OSBPL1A: variants seen among roughly 807,000 people sequenced by gnomAD.
OSBPL1A encodes the protein oxysterol binding protein like 1A.
In OSBPL1A, 80 loss-of-function variants were observed where a neutral mutation model predicts 137.1. The observed-to-expected ratio is 0.58, with a 90% CI of 0.49 to 0.70. The LOEUF is 0.70. Among genes scored for constraint, OSBPL1A ranks in the 30% least tolerant of loss-of-function variants. The pLI is 0.00. For missense variants in OSBPL1A, 970 were observed against 1,129.4 expected (o/e 0.86, Z 2.02); for synonymous variants, 365 against 389.7 (o/e 0.94, Z 0.75).
intron 15 of OSBPL1A, among the ~76,000 whole-genome samples, chr18:24,262,235 A>G (rs1351619058): frequency 2.6e-5 from 4 of 152,226 alleles, no homozygotes; most frequent in Admixed American, 6.5e-5. Flanking sequence ...ACTGCAGAAC[A>G]TATGACTTTC....
intron 17 of OSBPL1A, among the ~76,000 whole-genome samples, chr18:24,198,863 G>GT (rs570099539): frequency 0.25 from 35,592 of 141,484 alleles, 4,710 homozygotes; most frequent in Admixed American, 0.36. Flanking sequence ...TTTTTTTGTT[G>GT]TTTTTTTTTT....
chr18:24,242,741 T>G lies in OSBPL1A; in HGVS notation c.1282-3359A>C, dbSNP rs182954824. On this transcript the variant is annotated intron_variant, in intron 15 of 27. Coordinates refer to ENST00000319481, the MANE Select transcript of OSBPL1A (RefSeq NM_080597.4). ...ATTATTATTATTACAGCTGTGATAA[T>G]GAAATAAAAATCGCAATAAATGGTA... 1.9e-3 allele frequency among the ~76,000 whole-genome samples: 291 copies of G among 152,194 alleles called. 1 individual carries two copies. Among genetic ancestry groups the G allele is most frequent in the Non-Finnish European group, 3.4e-3 (231 of 68,004 alleles).
chr18:24,393,704 C>T (rs1298959155), intron 1 of OSBPL1A, among the ~76,000 whole-genome samples: 2 of 152,128 alleles, frequency 1.3e-5, no homozygotes, highest in Non-Finnish European at 2.9e-5. Flanking sequence ...CCGCCCATCT[C>T]GGCCTCCCAA....
At chr18:24,368,560 G>A (rs1046678813) in intron 2 of OSBPL1A, 188 bp from the exon 3 acceptor site, 7 of 527,508 alleles carry the variant, frequency 1.3e-5, no homozygotes, top group East Asian at 6.2e-5. Flanking sequence ...TGCAGATCTG[G>A]TGCCACCTTC....
intron 14 of OSBPL1A, 53 bp from the exon 15 acceptor site, chr18:24,281,001 A>G: frequency 8.2e-7 from 1 of 1,216,264 alleles, no homozygotes; most frequent in Non-Finnish European, 1.2e-6. Flanking sequence ...ATCTTAAGGT[A>G]AACTAAGACC....
At chr18:24,209,569 G>A (rs563273925) in intron 17 of OSBPL1A, among the ~76,000 whole-genome samples, 1 of 152,244 alleles carries the variant, frequency 6.6e-6, no homozygotes, top group East Asian at 1.9e-4. Context: ...CTGCAGAATG[G>A]TATCTAGAAG....
At chr18:24,243,610 A>G (rs934598489) in intron 15 of OSBPL1A, among the ~76,000 whole-genome samples, 11 of 152,170 alleles carry the variant, frequency 7.2e-5, no homozygotes, top group African/African-American at 2.2e-4. Context: ...TACCCACCTA[A>G]AATAAGCACC....
intron 18 of OSBPL1A, among the ~76,000 whole-genome samples, chr18:24,188,905 T>G (rs894092137): frequency 2.6e-5 from 4 of 152,224 alleles, no homozygotes; most frequent in African/African-American, 9.6e-5. Flanking sequence ...AGTCTGGTGC[T>G]GCATTCTCTA....
At chr18:24,305,277 C>T (rs1452795030) in intron 13 of OSBPL1A, among the ~76,000 whole-genome samples, 1 of 152,196 alleles carries the variant, frequency 6.6e-6, no homozygotes, top group Non-Finnish European at 1.5e-5. Context: ...TCTTCAAATA[C>T]ATGAATCACA....
chr18:24,166,468 A>G (rs2086147922), intron 26 of OSBPL1A, 111 bp downstream of exon 26: 2 of 1,342,014 alleles, frequency 1.5e-6, no homozygotes. Flanking sequence ...AATCTCTAAG[A>G]GAGACTAAAA....
At chr18:24,330,442 A>G (rs1262021470) in intron 7 of OSBPL1A, among the ~76,000 whole-genome samples, 3 of 152,224 alleles carry the variant, frequency 2.0e-5, no homozygotes, top group East Asian at 3.8e-4. Flanking sequence ...TAAAAAGACA[A>G]TAATGGTAAT....
intron 5 of OSBPL1A, among the ~76,000 whole-genome samples, chr18:24,339,815 A>C (rs2091243073): frequency 6.6e-6 from 1 of 152,218 alleles, no homozygotes; most frequent in East Asian, 1.9e-4. Context: ...ATTGATAAGC[A>C]GAGGGTTCAT....
chr18:24,348,169 T>A (rs1165252151), intron 4 of OSBPL1A, among the ~76,000 whole-genome samples: 2 of 152,170 alleles, frequency 1.3e-5, no homozygotes, highest in African/African-American at 4.8e-5. Flanking sequence ...AAATTTTTAT[T>A]GAAAAATATC....
At chr18:24,196,028 T>C (rs2087020522) in intron 18 of OSBPL1A, 97 bp downstream of exon 18, 1 of 936,054 alleles carries the variant, frequency 1.1e-6, no homozygotes, top group African/African-American at 1.6e-5. Flanking sequence ...ATAAACGTTG[T>C]CGTGCACCAC....
chr18:24,361,921 CGA>C (rs1242231818), intron 4 of OSBPL1A, among the ~76,000 whole-genome samples: 1 of 149,006 alleles, frequency 6.7e-6, no homozygotes, highest in East Asian at 2.0e-4. Context: ...CACTTGAACC[CGA>C]GAGGCGGAGA....
chr18:24,388,575 G>A (rs1017611383), intron 1 of OSBPL1A, among the ~76,000 whole-genome samples: 4 of 151,836 alleles, frequency 2.6e-5, no homozygotes, highest in Non-Finnish European at 4.4e-5. Flanking sequence ...CAAGGCGGGC[G>A]GATCACCTGA....
chr18:24,215,739 A>G (rs1470073788), intron 17 of OSBPL1A, among the ~76,000 whole-genome samples: 1 of 152,176 alleles, frequency 6.6e-6, no homozygotes, highest in Non-Finnish European at 1.5e-5. Flanking sequence ...AAGTCAAGAT[A>G]CCCAATCTAT....
chr18:24,193,079 A>G (rs1248358012), intron 18 of OSBPL1A, among the ~76,000 whole-genome samples: 1 of 152,192 alleles, frequency 6.6e-6, no homozygotes, highest in East Asian at 1.9e-4. Flanking sequence ...AGCTGGGTAA[A>G]TGGAGGTAAG....
In OSBPL1A at chr18:24,165,145, A is replaced by G; in HGVS notation, c.2670T>C (p.Ser890=). ...AMENGEIDQA[S]EEKKRLEEKQ... is the part of the protein sequence containing the mutation. ...TTTCCTCAAGTCGTTTTTTTTCTTCACTAGCTTGATCTAAAATAAGAACAT... is the reference window on the plus strand; with the variant it reads ...TTTCCTCAAGTCGTTTTTTTTCTTCGCTAGCTTGATCTAAAATAAGAACAT... The change falls in exon 27 of 28, where the codon AGT becomes AGC. Residue 890 remains serine (S), a synonymous_variant. Transcript: ENST00000319481. The G allele has an allele frequency of 1.2e-6, 2 of 1,612,832 alleles. No individual in the cohort carries two copies. Among genetic ancestry groups the G allele is most frequent in the South Asian group, 1.1e-5 (1 of 91,076 alleles).
Sources: gnomAD v4.1 joint callset for allele counts (sites outside exome capture counted in the v4.1 genomes callset) on GRCh38, gnomAD v4.1.1 for gene constraint, MANE v1.5 for transcripts, NCBI Gene and HGNC (gene_info 2026-07-23, HGNC 2026-07-21) for gene names.